The following LRBA variants were observed in gnomAD, a reference collection of about 807,000 sequenced individuals.
LRBA encodes the protein lipopolysaccharide-responsive and beige-like anchor protein.
LRBA carries 176 observed loss-of-function variants against 330.0 expected under a neutral mutation model. That is an observed-to-expected ratio of 0.53 (90% confidence interval 0.47 to 0.60). LRBA has a LOEUF of 0.60. Ranked by LOEUF, LRBA falls within the 20% of genes least tolerant of loss-of-function variation. The pLI is 0.00. For missense variants in LRBA, 3,259 were observed against 3,444.8 expected (o/e 0.95, Z 1.35); for synonymous variants, 1,230 against 1,193.0 (o/e 1.03, Z -0.64).
chr4:150,788,287 T>C (rs573835343), intron 34 of LRBA, among the ~76,000 whole-genome samples: 4 of 141,894 alleles, frequency 2.8e-5, no homozygotes, highest in Non-Finnish European at 6.0e-5. Context: ...TTAGTAGAGA[T>C]AGGGTTTCGC....
At chr4:150,820,382 A>G (rs891149979) in intron 30 of LRBA, among the ~76,000 whole-genome samples, 17 of 151,956 alleles carry the variant, frequency 1.1e-4, no homozygotes, top group African/African-American at 4.1e-4. Context: ...GTATGCTCAC[A>G]AAGTTGTATA....
rs1381756736 is a variant in LRBA at position 150,583,024 on chromosome 4, C to T, written c.6330+5024G>A. 1 of 1,583,746 alleles carries T rather than the reference C, an allele frequency of 6.3e-7. No individual in the cohort carries two copies. Among genetic ancestry groups the T allele is most frequent in the East Asian group, 2.2e-5 (1 of 44,562 alleles). ...GCCGGTGTATAGCCCGGACCTGTGC[C>T]CCAACATGATCGCCGCTCAGGCCAA... is the stretch of plus-strand genomic sequence containing the variant. On this transcript the variant is annotated intron_variant, in intron 40 of 56. Coordinates refer to ENST00000651943, the MANE Select transcript of LRBA (RefSeq NM_001364905.1). The surrounding 1 kb of genome is among the most constrained non-coding windows in gnomAD (Gnocchi z 9.8).
intron 35 of LRBA, among the ~76,000 whole-genome samples, chr4:150,744,942 C>A (rs1486867341): frequency 6.6e-6 from 1 of 152,214 alleles, no homozygotes; most frequent in Non-Finnish European, 1.5e-5. Flanking sequence ...TCTGCCCTAG[C>A]ATACTGCAGA....
chr4:150,658,076 C>A (rs1307048022), intron 37 of LRBA, among the ~76,000 whole-genome samples: 1 of 151,952 alleles, frequency 6.6e-6, no homozygotes, highest in African/African-American at 2.4e-5. Flanking sequence ...GATGACACCA[C>A]GCTAAGGGGT....
At chr4:150,310,169 A>G (rs1730870909) in intron 52 of LRBA, 60 bp downstream of exon 52, 1 of 1,193,462 alleles carries the variant, frequency 8.4e-7, no homozygotes, top group African/African-American at 1.5e-5. Flanking sequence ...AATGCATCCT[A>G]AGCCTCTCAA....
intron 37 of LRBA, among the ~76,000 whole-genome samples, chr4:150,652,633 C>G (rs1209028897): frequency 1.3e-5 from 2 of 152,106 alleles, no homozygotes; most frequent in East Asian, 3.9e-4. Flanking sequence ...ACAATATATT[C>G]AAAATATCAT....
At chr4:150,599,520 C>G (rs1035761317) in intron 37 of LRBA, among the ~76,000 whole-genome samples, 5 of 152,270 alleles carry the variant, frequency 3.3e-5, no homozygotes, top group Middle Eastern at 3.4e-3. Context: ...AGGGAAAAGG[C>G]TATTATAAAT....
chr4:150,591,588 A>G (rs1772841500), intron 38 of LRBA, among the ~76,000 whole-genome samples: 1 of 152,172 alleles, frequency 6.6e-6, no homozygotes, highest in Admixed American at 6.5e-5. Flanking sequence ...CTGCATGTTT[A>G]AACTAAAGGG....
chr4:150,633,302 C>T (rs1777565549), intron 37 of LRBA, among the ~76,000 whole-genome samples: 1 of 152,182 alleles, frequency 6.6e-6, no homozygotes, highest in African/African-American at 2.4e-5. Flanking sequence ...AAAGTGCTTA[C>T]AATAGTGCTT....
At chr4:150,559,700 ATATTATATAATATTATAGAT>A in intron 40 of LRBA, among the ~76,000 whole-genome samples, 2 of 90,058 alleles carry the variant, frequency 2.2e-5, no homozygotes, top group African/African-American at 9.4e-5. Context: ...TATATATTAT[ATATTATATAATATTATAGAT>A]TATATAATAT....
chr4:150,731,526 T>A (rs1730457176), intron 36 of LRBA, among the ~76,000 whole-genome samples: 1 of 152,178 alleles, frequency 6.6e-6, no homozygotes, highest in African/African-American at 2.4e-5. Flanking sequence ...TTATGTTAAG[T>A]GAAATAAGCT....
chr4:151,014,165 C>T lies in LRBA; in HGVS notation c.216+262G>A, dbSNP rs974127877. 34 of 343,002 alleles carry T rather than the reference C, an allele frequency of 9.9e-5. No individual in the cohort carries two copies. The South Asian group carries it at 2.0e-3, about 20-fold the overall frequency. 21.2% of individuals were successfully genotyped at this position (343,002 alleles called of 1,614,324 possible). A position where few individuals can be genotyped will look rare whatever the true frequency, so the allele number is the denominator to read the frequency against. On this transcript the variant is annotated intron_variant, in intron 2 of 56. Transcript: ENST00000651943. ...TAACTCCTCCGCTAGAACCTCCCCCCAATACTTCCATAGCAACAATTATTT... is the reference window on the plus strand; with the variant it reads ...TAACTCCTCCGCTAGAACCTCCCCCTAATACTTCCATAGCAACAATTATTT...
At chr4:150,347,353 AT>A (rs977658917) in intron 48 of LRBA, among the ~76,000 whole-genome samples, 13 of 152,308 alleles carry the variant, frequency 8.5e-5, no homozygotes, top group Admixed American at 3.3e-4. Flanking sequence ...AAACTCAAAA[AT>A]GGTAAAAATG....
At chr4:150,348,480 G>A (rs569181373) in intron 48 of LRBA, among the ~76,000 whole-genome samples, 63 of 152,204 alleles carry the variant, frequency 4.1e-4, no homozygotes, top group African/African-American at 1.3e-3. Context: ...TTAGAAATAC[G>A]GAGATTGCAT....
chr4:150,880,301 C>T (rs1031065316), intron 17 of LRBA, among the ~76,000 whole-genome samples: 3 of 152,190 alleles, frequency 2.0e-5, no homozygotes, highest in South Asian at 2.1e-4. Context: ...GGGTGGATCA[C>T]GTGAGCCCAG....
At chr4:150,942,968 ATTAG>A (rs1426569584) in intron 2 of LRBA, among the ~76,000 whole-genome samples, 2 of 152,204 alleles carry the variant, frequency 1.3e-5, no homozygotes, top group African/African-American at 4.8e-5. Flanking sequence ...CTGAAAATAA[ATTAG>A]AAGTATCATC....
At chr4:150,917,385 G>A (rs1732752246) in intron 5 of LRBA, among the ~76,000 whole-genome samples, 1 of 151,876 alleles carries the variant, frequency 6.6e-6, no homozygotes, top group African/African-American at 2.4e-5. Context: ...ATAACAAATT[G>A]GAAATTTGAT....
chr4:150,330,988 CTGG>C (rs1403087038), intron 48 of LRBA, among the ~76,000 whole-genome samples: 5 of 152,066 alleles, frequency 3.3e-5, no homozygotes, highest in Admixed American at 1.3e-4. Context: ...TAAGTAAAGG[CTGG>C]TATTTGCTAT....
intron 37 of LRBA, 25 bp downstream of exon 37, chr4:150,683,526 C>T: frequency 6.2e-7 from 1 of 1,601,038 alleles, no homozygotes; most frequent in Non-Finnish European, 8.5e-7. Context: ...AAATCAGTGG[C>T]CAAATCCTAA....
Sources: allele counts gnomAD v4.1 joint callset (sites outside exome capture counted in the v4.1 genomes callset), GRCh38; gene constraint gnomAD v4.1.1; non-coding constraint Gnocchi (gnomAD v3.1); transcripts MANE v1.5; gene names NCBI Gene and HGNC (gene_info 2026-07-23, HGNC 2026-07-21).